SCARA3: variants seen among roughly 807,000 people sequenced by gnomAD.
SCARA3 encodes the protein scavenger receptor class A member 3.
Under a neutral mutation model 47.0 loss-of-function variants are expected in SCARA3, and 39 were observed. The observed-to-expected ratio is 0.83, with a 90% CI of 0.64 to 1.08. The LOEUF (loss-of-function observed/expected upper bound fraction) is 1.08. Ranked by LOEUF, SCARA3 falls within the 50% of genes least tolerant of loss-of-function variation. The pLI, the probability that SCARA3 is intolerant of heterozygous loss-of-function variation, is 0.00. For synonymous variants in SCARA3, 356 were observed against 334.1 expected, an observed-to-expected ratio of 1.07 and a Z score of -0.71; for missense variants, 724 against 792.3, an observed-to-expected ratio of 0.91 and a Z score of 1.04.
chr8:27,722,618 A>G, the SCARA3 span, among the ~76,000 whole-genome samples: 1 of 152,130 alleles, frequency 6.6e-6, no homozygotes, highest in Non-Finnish European at 1.5e-5. Flanking sequence ...ATGGCTCTTG[A>G]GCTGCTGTCA....
chr8:27,656,709 G>A (rs556351741), intron 3 of SCARA3, 73 bp from the exon 4 acceptor site: 5 of 908,458 alleles, frequency 5.5e-6, no homozygotes, highest in Admixed American at 1.7e-5. Flanking sequence ...TGATAAAGAT[G>A]CCTTCTCAAG....
chr8:27,689,038 T>A, the SCARA3 span, among the ~76,000 whole-genome samples: 11 of 152,140 alleles, frequency 7.2e-5, no homozygotes, highest in Non-Finnish European at 7.3e-5. Context: ...CCAAGGCACC[T>A]CCTTAGAACC....
intron 1 of SCARA3, among the ~76,000 whole-genome samples, chr8:27,642,052 T>A (rs1417685275): frequency 6.6e-6 from 1 of 152,248 alleles, no homozygotes; most frequent in African/African-American, 2.4e-5. Context: ...ATGGGCTTAT[T>A]ATTTTTTTTG....
At chr8:27,657,870 T>C (rs761534968) in intron 4 of SCARA3, among the ~76,000 whole-genome samples, 32 of 152,152 alleles carry the variant, frequency 2.1e-4, no homozygotes, top group Admixed American at 5.2e-4. Context: ...CTCCCACTTA[T>C]AAGTGAGAGC....
intron 5 of SCARA3, 122 bp downstream of exon 5, chr8:27,659,661 A>G: frequency 2.5e-6 from 2 of 788,250 alleles, no homozygotes; most frequent in Non-Finnish European, 3.9e-6. Context: ...CCTATAGCAA[A>G]TGCCTACAGC....
chr8:27,701,723 A>C, the SCARA3 span: 1 of 149,356 alleles, frequency 6.7e-6, no homozygotes, highest in Non-Finnish European at 1.5e-5. Flanking sequence ...CAGGGAGCTG[A>C]GCTCACCTGA....
the SCARA3 span, among the ~76,000 whole-genome samples, chr8:27,686,455 AATAC>A: frequency 1.3e-5 from 2 of 152,086 alleles, no homozygotes; most frequent in African/African-American, 4.8e-5. Context: ...TAAAAAAAAA[AATAC>A]ATACATACAT....
the SCARA3 span, among the ~76,000 whole-genome samples, chr8:27,693,497 T>C: frequency 6.6e-6 from 1 of 152,164 alleles, no homozygotes; most frequent in Non-Finnish European, 1.5e-5. Context: ...TGGAAAGAGT[T>C]CTGATTTGAG....
At chr8:27,677,899 T>C (rs1156692380), downstream of SCARA3, among the ~76,000 whole-genome samples, 1 of 152,246 alleles carries the variant, frequency 6.6e-6, no homozygotes, top group African/African-American at 2.4e-5. Context: ...GAAAGATATC[T>C]ACTGTCTTCA....
chr8:27,710,901 A>T, the SCARA3 span, among the ~76,000 whole-genome samples: 18 of 149,334 alleles, frequency 1.2e-4, no homozygotes, highest in Admixed American at 2.0e-4. Context: ...TCGAGCAAGA[A>T]TCTCTCATAG....
chr8:27,689,547 T>C, the SCARA3 span, among the ~76,000 whole-genome samples: 1 of 152,164 alleles, frequency 6.6e-6, no homozygotes, highest in African/African-American at 2.4e-5. Flanking sequence ...AGGACAGGAT[T>C]ACCAAGGCCC....
Position 27,651,631 on chromosome 8 carries a change from A to G in SCARA3, c.226+4A>G. On this transcript the variant is annotated splice_donor_region_variant and intron_variant, in intron 3 of 5. Coordinates refer to ENST00000301904, the MANE Select transcript of SCARA3 (RefSeq NM_016240.3). ...GTGGCTGTGTTGGCCTCTCTGGGTG[A>G]GTCCGGGGCTTTCCCACCCCGGGCT... The G allele has an allele frequency of 6.2e-7, 1 of 1,613,594 alleles. No homozygotes were observed.
At chr8:27,657,415 G>C (rs1363433105) in intron 4 of SCARA3, among the ~76,000 whole-genome samples, 2 of 147,920 alleles carry the variant, frequency 1.4e-5, no homozygotes, top group Non-Finnish European at 3.0e-5. Flanking sequence ...AAATGATCCT[G>C]TCACCCAGGT....
chr8:27,633,695 G>C (rs552518198), upstream of SCARA3, among the ~76,000 whole-genome samples: 4 of 152,074 alleles, frequency 2.6e-5, no homozygotes, highest in South Asian at 8.3e-4. Context: ...GCACGGGCGA[G>C]GTAGGCGGGG....
chr8:27,658,700 C>T lies in SCARA3; in HGVS notation c.530C>T (p.Ser177Phe). The change falls in exon 5 of 6, where the codon TCC (serine) becomes TTC (phenylalanine). Residue 177 changes from serine (S) to phenylalanine (F), a missense_variant. Transcript: ENST00000301904. ...CAGGAGATGGGCAGTTGCTCCTTCTCCATCCACCAGGTTAACCAGTCTCTG... is the reference window on the plus strand; with the variant it reads ...CAGGAGATGGGCAGTTGCTCCTTCTTCATCCACCAGGTTAACCAGTCTCTG... ...ISQEMGSCSF[S>F]IHQVNQSLGL... is the part of the protein sequence containing the mutation. 2.5e-6 allele frequency: 4 copies of T among 1,614,058 alleles called. No individual in the cohort carries two copies. The highest frequency in any genetic ancestry group is 3.4e-6 in the Non-Finnish European group (4 of 1,179,958).
the SCARA3 span, among the ~76,000 whole-genome samples, chr8:27,697,762 G>C: frequency 6.6e-6 from 1 of 152,112 alleles, no homozygotes; most frequent in Non-Finnish European, 1.5e-5. Context: ...GTTTTATAAG[G>C]GGAAACCCCT....
chr8:27,651,878 G>A (rs1001139582), intron 3 of SCARA3, among the ~76,000 whole-genome samples: 1 of 152,126 alleles, frequency 6.6e-6, no homozygotes, highest in Admixed American at 6.5e-5. Context: ...GAGATGATAC[G>A]ACCAGGTCAG....
the SCARA3 span, among the ~76,000 whole-genome samples, chr8:27,699,101 G>T: frequency 6.6e-6 from 1 of 151,602 alleles, no homozygotes; most frequent in Non-Finnish European, 1.5e-5. Flanking sequence ...AAAATTAGCC[G>T]GGCATGGTGG....
In SCARA3 at chr8:27,658,650, CT is replaced by C; in HGVS notation, c.481del (p.Ser161ProfsTer32). 5.6e-6 allele frequency: 9 copies of C among 1,614,132 alleles called. No individual in the cohort carries two copies. The highest frequency in any genetic ancestry group is 7.6e-6 in the Non-Finnish European group (9 of 1,180,016). ...DQTLQAQEVLSTTSRQISQEM... is the reference protein window; with the variant it reads ...DQTLQAQEVLXTTSRQISQEM... Reference sequence around the variant, plus strand: ...AGACCTTACAGGCCCAGGAGGTGCTCTCCACCACCAGCAGACAAATCTCCCA... The same window carrying C: ...AGACCTTACAGGCCCAGGAGGTGCTCCCACCACCAGCAGACAAATCTCCCA... On this transcript the variant is annotated frameshift_variant, in exon 5 of 6. Transcript: ENST00000301904. LOFTEE classifies it high-confidence loss of function.
Sources: gnomAD v4.1 joint callset for allele counts (sites outside exome capture counted in the v4.1 genomes callset) on GRCh38, gnomAD v4.1.1 for gene constraint, MANE v1.5 for transcripts, NCBI Gene and HGNC (gene_info 2026-07-23, HGNC 2026-07-21) for gene names.